NFXL1: variants seen among roughly 807,000 people sequenced by gnomAD.
NFXL1 encodes nuclear transcription factor, X-box binding like 1, also known as NF-X1-type zinc finger protein NFXL1.
Under a neutral mutation model 123.3 loss-of-function variants are expected in NFXL1, and 66 were observed. The observed-to-expected ratio is 0.54, with a 90% CI of 0.44 to 0.66. The LOEUF (loss-of-function observed/expected upper bound fraction) is 0.66. Ranked by LOEUF, NFXL1 falls within the 30% of genes least tolerant of loss-of-function variation. The probability of loss-of-function intolerance (pLI) is 0.00; values close to 1 mark genes in which losing one functional copy is unlikely to be tolerated. For missense variants in NFXL1, 944 were observed against 1,125.6 expected (o/e 0.84, Z 2.31); for synonymous variants, 346 against 360.8 (o/e 0.96, Z 0.46).
intron 17 of NFXL1, among the ~76,000 whole-genome samples, chr4:47,876,361 A>G (rs541176709): frequency 6.6e-6 from 1 of 152,262 alleles, no homozygotes; most frequent in Admixed American, 6.5e-5. Flanking sequence ...ACTGATAAAG[A>G]TCACATGTGA....
chr4:47,905,590 T>C (rs1578041474), intron 3 of NFXL1, among the ~76,000 whole-genome samples: 1 of 152,326 alleles, frequency 6.6e-6, no homozygotes, highest in South Asian at 2.1e-4. Context: ...CAGTTATACT[T>C]GCTTTTTTGG....
At chr4:47,890,785 A>G (rs1736721389) in intron 11 of NFXL1, 82 bp from the exon 12 acceptor site, 3 of 729,208 alleles carry the variant, frequency 4.1e-6, no homozygotes, top group Non-Finnish European at 7.2e-6. Flanking sequence ...TACAGAACTT[A>G]TGGAAAGCAA....
chr4:47,887,436 AAAGAG>A (rs1171675423), intron 12 of NFXL1, among the ~76,000 whole-genome samples: 35 of 152,336 alleles, frequency 2.3e-4, no homozygotes. Flanking sequence ...GAACACAGAA[AAAGAG>A]AAGATTAGAG....
rs754814016 is a variant in NFXL1, at chr4:47,855,013, A to T, written c.2421+46T>A. ...AAACAAGAACAAGAAAACCACACAA[A>T]AACAACTTATATAGAAAAGTATTTT... On this transcript the variant is annotated intron_variant, in intron 20 of 22. Coordinates refer to ENST00000507489, the MANE Select transcript of NFXL1 (RefSeq NM_001278624.2). 1.0e-5 allele frequency: 9 copies of T among 874,446 alleles called. No individual in the cohort carries two copies. In the South Asian group the frequency reaches 1.5e-4, roughly 15 times the overall value. 54.2% of individuals were successfully genotyped at this position (874,446 alleles called of 1,614,324 possible).
At chr4:47,888,925 A>G (rs1428871361) in intron 12 of NFXL1, among the ~76,000 whole-genome samples, 1 of 152,212 alleles carries the variant, frequency 6.6e-6, no homozygotes. Flanking sequence ...ATGAAGAAAT[A>G]TGTTAACTAC....
intron 20 of NFXL1, among the ~76,000 whole-genome samples, chr4:47,854,405 G>A (rs920300614): frequency 6.6e-5 from 10 of 152,044 alleles, no homozygotes; most frequent in African/African-American, 2.2e-4. Context: ...GGAAGATCAA[G>A]GAAACAGAGA....
intron 15 of NFXL1, 53 bp from the exon 16 acceptor site, chr4:47,879,170 ATACC>A: frequency 1.3e-6 from 1 of 762,790 alleles, no homozygotes; most frequent in South Asian, 2.2e-5. Flanking sequence ...TTCAAAAATA[ATACC>A]TAAAGATGCT....
Position 47,855,160 on chromosome 4 carries a change from G to A in NFXL1, c.2320C>T (p.Pro774Ser), listed in dbSNP as rs753724802. The change falls in exon 20 of 23, where the codon CCT becomes TCT. Residue 774 changes from proline to serine, a missense_variant. Transcript: ENST00000507489. The stretch of plus-strand genomic sequence containing the variant: ...ATCTCTTTGCATCTATGACCACAAG[G>A]AAGCTAAAATAAAATCAAAATAAAG... ...CCKNQCPKEL[P>S]CGHRCKEMCH... 1.7e-5 allele frequency: 27 copies of A among 1,557,972 alleles called. No individual in the cohort carries two copies. The Middle Eastern group carries it at 1.5e-3, about 87-fold the overall frequency.
chr4:47,883,028 C>T (rs1035127845), intron 15 of NFXL1, among the ~76,000 whole-genome samples: 1 of 152,108 alleles, frequency 6.6e-6, no homozygotes, highest in Non-Finnish European at 1.5e-5. Context: ...TCTTTCACCA[C>T]GATGTATTAG....
At chr4:47,900,705 A>C (rs916936405) in intron 5 of NFXL1, among the ~76,000 whole-genome samples, 5 of 152,220 alleles carry the variant, frequency 3.3e-5, no homozygotes, top group African/African-American at 9.6e-5. Context: ...CTCCCAAATG[A>C]GTATAGTTAG....
In NFXL1 at chr4:47,896,623, T is replaced by C; in HGVS notation, c.1229A>G (p.Asp410Gly). Reference sequence around the variant, plus strand: ...ACAACTGTCTCCACAAGTTGGTACATCTTCTGTACAAGGCAAAGAAAACTC... The same window carrying C: ...ACAACTGTCTCCACAAGTTGGTACACCTTCTGTACAAGGCAAAGAAAACTC... Reference protein sequence around the residue: ...KSKFSLPCTEDVPTCGDSCDK... With the variant: ...KSKFSLPCTEGVPTCGDSCDK... The change falls in exon 10 of 23, where the codon GAT (aspartate) becomes GGT (glycine). Residue 410 changes from aspartate (D) to glycine (G), a missense_variant. Around this residue, in one of 4 missense-constraint regions of NFXL1, gnomAD observed 296 missense variants for 395.1 expected, o/e 0.75. Transcript: ENST00000507489. The C allele has an allele frequency of 6.2e-7, 1 of 1,609,770 alleles. No individual in the cohort carries two copies. The highest frequency in any genetic ancestry group is 8.5e-7 in the Non-Finnish European group (1 of 1,176,180).
chr4:47,855,127 G>T lies in NFXL1; in HGVS notation c.2353C>A (p.Pro785Thr). ...CGHRCKEMCH[P>T]GECPFNCNQK... ...TTGCAGTTAAAGGGACATTCACCAG[G>T]ATGACACATCTCTTTGCATCTATGA... Residue 785 changes from proline to threonine, a missense_variant, in exon 20 of 23, where the codon CCT becomes ACT. This residue lies in a region of NFXL1 where 301 missense variants were observed against 348.0 expected (regional missense o/e 0.86). Transcript: ENST00000507489. The T allele has an allele frequency of 6.3e-7, 1 of 1,588,750 alleles. No individual in the cohort carries two copies. Among genetic ancestry groups the T allele is most frequent in the Non-Finnish European group, 8.6e-7 (1 of 1,163,420 alleles).
intron 18 of NFXL1, among the ~76,000 whole-genome samples, chr4:47,868,095 C>A (rs1735206341): frequency 6.6e-6 from 1 of 152,156 alleles, no homozygotes; most frequent in Non-Finnish European, 1.5e-5. Context: ...GCGGGTGGAT[C>A]ACGAGGTCAG....
intron 18 of NFXL1, among the ~76,000 whole-genome samples, chr4:47,863,355 A>G (rs752971217): frequency 6.6e-6 from 1 of 152,242 alleles, no homozygotes; most frequent in Admixed American, 6.5e-5. Context: ...TAACTTATTT[A>G]AAAAGCTTGG....
chr4:47,884,088 G>A (rs1007670036), intron 15 of NFXL1, among the ~76,000 whole-genome samples: 8 of 152,204 alleles, frequency 5.3e-5, no homozygotes, highest in East Asian at 1.9e-4. Flanking sequence ...GCATGCACTC[G>A]CTATGGAAAG....
chr4:47,877,720 T>C (rs1434471639), intron 17 of NFXL1, among the ~76,000 whole-genome samples: 1 of 152,084 alleles, frequency 6.6e-6, no homozygotes, highest in Non-Finnish European at 1.5e-5. Context: ...TTGTCATGTA[T>C]TATAAATTAA....
chr4:47,863,672 ACT>A (rs549686226), intron 18 of NFXL1, among the ~76,000 whole-genome samples: 11 of 152,200 alleles, frequency 7.2e-5, no homozygotes, highest in Non-Finnish European at 1.3e-4. Context: ...ACTGAGCAAG[ACT>A]CTGTCTCAAA....
chr4:47,860,999 C>T (rs1333781098), intron 19 of NFXL1, among the ~76,000 whole-genome samples: 1 of 150,320 alleles, frequency 6.7e-6, no homozygotes, highest in Admixed American at 6.7e-5. Flanking sequence ...ATTATAGGCA[C>T]ATGCCACCAC....
rs574648180 is a variant in NFXL1, at chr4:47,913,979, G to C, written c.225C>G (p.Thr75=). The C allele has an allele frequency of 1.3e-6, 2 of 1,545,438 alleles. No homozygotes were observed. Among genetic ancestry groups the C allele is most frequent in the East Asian group, 4.9e-5 (2 of 40,824 alleles). The change falls in exon 2 of 23, where the codon ACC becomes ACG. Residue 75 remains threonine (T), a synonymous_variant. Transcript: ENST00000507489. ...GGGAGCCATTCTCACCGCTGGCTGC[G>C]GTAGTCTGCAGGGCTTGGGATCCTG... ...SPAGSQALQT[T]AASELMSQKK... is the part of the protein sequence containing the mutation.
Sources: gnomAD v4.1 joint callset for allele counts (sites outside exome capture counted in the v4.1 genomes callset) on GRCh38, gnomAD v4.1.1 for gene constraint, gnomAD v4.1.1 regional missense constraint, MANE v1.5 for transcripts, NCBI Gene and HGNC (gene_info 2026-07-23, HGNC 2026-07-21) for gene names.